ADGRB3: variants seen among roughly 807,000 people sequenced by gnomAD.
The protein encoded by ADGRB3 is adhesion G protein-coupled receptor B3, also known as brain-specific angiogenesis inhibitor 3.
Under a neutral mutation model 193.4 loss-of-function variants are expected in ADGRB3, and 37 were observed. That is an observed-to-expected ratio of 0.19 (90% CI 0.15 to 0.25). The LOEUF is 0.25. Ranked by LOEUF, ADGRB3 falls within the 10% of genes least tolerant of loss-of-function variation. The pLI, the probability that ADGRB3 is intolerant of heterozygous loss-of-function variation, is 1.00. For missense variants in ADGRB3, 1,637 were observed against 1,852.9 expected (o/e 0.88, Z 2.14); for synonymous variants, 690 against 644.2 (o/e 1.07, Z -1.08).
At chr6:68,912,261 G>A (rs1328823339) in intron 3 of ADGRB3, among the ~76,000 whole-genome samples, 1 of 151,098 alleles carries the variant, frequency 6.6e-6, no homozygotes, top group Non-Finnish European at 1.5e-5. Context: ...TTTTTTTTCT[G>A]TGCCTCTTCC....
intron 20 of ADGRB3, among the ~76,000 whole-genome samples, chr6:69,251,512 T>G (rs1766619290): frequency 6.6e-6 from 1 of 152,214 alleles, no homozygotes; most frequent in Non-Finnish European, 1.5e-5. Context: ...TTAAATATTT[T>G]TAAGTGAATG....
rs534372959 is a variant in ADGRB3 at position 69,308,832 on chromosome 6, G to A, written c.2815-16040G>A. ...CAGCCATCGTGTAAACATTCCAGCT[G>A]ACAACAAGGAGGAAAATAGAAAAAG... is the stretch of plus-strand genomic sequence containing the variant. On this transcript the variant is annotated intron_variant, in intron 20 of 31. Coordinates refer to ENST00000370598, the MANE Select transcript of ADGRB3 (RefSeq NM_001704.3). Among the ~76,000 whole-genome samples the A allele has an allele frequency of 5.3e-5, 8 of 151,598 alleles. No homozygotes were observed. The East Asian group carries it at 1.4e-3, about 26-fold the overall frequency.
intron 27 of ADGRB3, among the ~76,000 whole-genome samples, chr6:69,355,360 T>G (rs892633057): frequency 1.3e-5 from 2 of 152,200 alleles, no homozygotes; most frequent in Non-Finnish European, 2.9e-5. Context: ...GAGCCTAGTT[T>G]GAGCCTAGTT....
chr6:69,039,986 C>CAAAGT (rs1444101319), intron 13 of ADGRB3, among the ~76,000 whole-genome samples: 1 of 152,006 alleles, frequency 6.6e-6, no homozygotes, highest in Admixed American at 6.5e-5. Context: ...GTGATCCGCC[C>CAAAGT]GCCTCGGCCT....
intron 3 of ADGRB3, among the ~76,000 whole-genome samples, chr6:68,848,334 G>A (rs1172225928): frequency 6.6e-6 from 1 of 151,906 alleles, no homozygotes; most frequent in East Asian, 1.9e-4. Flanking sequence ...AGCAACAATA[G>A]CAACTTCCCA....
intron 3 of ADGRB3, among the ~76,000 whole-genome samples, chr6:68,680,894 G>A (rs994192645): frequency 5.9e-5 from 9 of 152,282 alleles, no homozygotes; most frequent in African/African-American, 2.2e-4. Context: ...AAACTGGATT[G>A]TGTGCCTCCA....
At chr6:68,888,542 T>TAC (rs5877179) in intron 3 of ADGRB3, among the ~76,000 whole-genome samples, 7,915 of 145,884 alleles carry the variant, frequency 0.054, 248 homozygotes, top group Admixed American at 0.092. Context: ...GGGTAATAGA[T>TAC]ACACACACAC....
intron 24 of ADGRB3, among the ~76,000 whole-genome samples, chr6:69,337,362 G>A (rs74790336): frequency 0.037 from 5,648 of 152,230 alleles, 177 homozygotes; most frequent in Admixed American, 0.095. Context: ...TTTAGTTAGA[G>A]AAGTGGTACT....
At chr6:68,750,529 A>C (rs1401375381) in intron 3 of ADGRB3, among the ~76,000 whole-genome samples, 3 of 152,242 alleles carry the variant, frequency 2.0e-5, no homozygotes, top group Non-Finnish European at 4.4e-5. Context: ...GCAAAATATT[A>C]AGAAGTAATG....
intron 3 of ADGRB3, among the ~76,000 whole-genome samples, chr6:68,886,934 C>A (rs1765926281): frequency 6.6e-6 from 1 of 151,540 alleles, no homozygotes; most frequent in African/African-American, 2.4e-5. Flanking sequence ...AATGAAAGTT[C>A]TAGTAACCTT....
chr6:69,290,267 C>A (rs1468742625), intron 20 of ADGRB3, among the ~76,000 whole-genome samples: 3 of 152,048 alleles, frequency 2.0e-5, no homozygotes, highest in African/African-American at 7.2e-5. Flanking sequence ...AAGATCTGTG[C>A]TTTGTAGCTA....
At chr6:69,153,959 C>T (rs1438218808) in intron 17 of ADGRB3, among the ~76,000 whole-genome samples, 2 of 152,006 alleles carry the variant, frequency 1.3e-5, no homozygotes, top group African/African-American at 2.4e-5. Flanking sequence ...CACCACTGCA[C>T]TCCAGCCAGG....
chr6:69,113,305 A>G (rs1355148824), intron 17 of ADGRB3, among the ~76,000 whole-genome samples: 1 of 148,816 alleles, frequency 6.7e-6, no homozygotes, highest in African/African-American at 2.4e-5. Context: ...CATATGTATC[A>G]CACATATATG....
intron 3 of ADGRB3, among the ~76,000 whole-genome samples, chr6:68,821,650 A>G (rs1474703810): frequency 6.7e-6 from 1 of 150,356 alleles, no homozygotes; most frequent in Non-Finnish European, 1.5e-5. Context: ...TTTTTTTTTT[A>G]GTCTTTCTTG....
intron 8 of ADGRB3, among the ~76,000 whole-genome samples, chr6:68,958,054 A>G (rs765714229): frequency 6.6e-6 from 1 of 152,052 alleles, no homozygotes; most frequent in Non-Finnish European, 1.5e-5. Context: ...TACAAAAATT[A>G]GCCGGCCGTG....
chr6:68,927,806 T>C (rs1318877270), intron 3 of ADGRB3, among the ~76,000 whole-genome samples: 1 of 152,144 alleles, frequency 6.6e-6, no homozygotes, highest in African/African-American at 2.4e-5. Flanking sequence ...AGGAATTTAG[T>C]TACATCAGGA....
intron 17 of ADGRB3, among the ~76,000 whole-genome samples, chr6:69,104,375 TC>T (rs375856009): frequency 0.014 from 2,138 of 151,882 alleles, 75 homozygotes; most frequent in East Asian, 0.095. Flanking sequence ...CTCATCGTTT[TC>T]TATGGCTGCA....
intron 19 of ADGRB3, among the ~76,000 whole-genome samples, chr6:69,237,665 T>C (rs1342335007): frequency 2.0e-5 from 3 of 152,054 alleles, no homozygotes; most frequent in African/African-American, 7.2e-5. Context: ...TATTTTTGTC[T>C]ATTTACAGAA....
intron 28 of ADGRB3, 72 bp from the exon 29 acceptor site, chr6:69,360,797 A>G: frequency 7.0e-7 from 1 of 1,419,126 alleles, no homozygotes. Flanking sequence ...AGAAAGCGAG[A>G]CAACATAATA....
Sources: gnomAD v4.1 joint callset for allele counts (sites outside exome capture counted in the v4.1 genomes callset) on GRCh38, gnomAD v4.1.1 for gene constraint, MANE v1.5 for transcripts, NCBI Gene and HGNC (gene_info 2026-07-23, HGNC 2026-07-21) for gene names.